The following FOXJ3 variants were observed in gnomAD, a reference collection of about 807,000 sequenced individuals.
FOXJ3 encodes forkhead box protein J3.
In FOXJ3, 22 loss-of-function variants were observed where a neutral mutation model predicts 76.1. That is an observed-to-expected ratio of 0.29 (90% CI 0.21 to 0.41). The LOEUF (loss-of-function observed/expected upper bound fraction) is 0.41. FOXJ3 is among the 10% of genes least tolerant of loss of function. The pLI is 1.00. For missense variants in FOXJ3, 613 were observed against 762.1 expected, an observed-to-expected ratio of 0.80 and a Z score of 2.30; for synonymous variants, 269 against 261.2, an observed-to-expected ratio of 1.03 and a Z score of -0.29.
intron 1 of FOXJ3, among the ~76,000 whole-genome samples, chr1:42,334,366 G>A (rs982839578): frequency 7.2e-5 from 11 of 151,928 alleles, no homozygotes; most frequent in African/African-American, 2.4e-5. Context: ...AATCACAGAG[G>A]AAAAACCATC....
At chr1:42,195,975 G>C (rs1208278661) in intron 7 of FOXJ3, among the ~76,000 whole-genome samples, 2 of 152,192 alleles carry the variant, frequency 1.3e-5, no homozygotes, top group Non-Finnish European at 2.9e-5. Context: ...GTAGGAGATG[G>C]CCATGGGGCA....
chr1:42,193,337 A>C (rs1283220364), intron 8 of FOXJ3, among the ~76,000 whole-genome samples: 1 of 152,066 alleles, frequency 6.6e-6, no homozygotes, highest in Non-Finnish European at 1.5e-5. Flanking sequence ...AGAGATGAGA[A>C]GTAAACTCAG....
At chr1:42,189,550 G>A in intron 9 of FOXJ3, 146 bp from the exon 10 acceptor site, 2 of 588,714 alleles carry the variant, frequency 3.4e-6, no homozygotes, top group Non-Finnish European at 6.1e-6. Context: ...ATCACGTGTT[G>A]GGCAATCTGC....
rs2124196290 is a variant in FOXJ3 at position 42,191,409 on chromosome 1, G to C, written c.1245C>G (p.Pro415=). ...QQHSQLQSPH[P]QHPSPHQHIQ... ...TGTGTTGATGTGGAGAGGGATGCTG[G>C]GGGTGAGGGGACTGGAGCTGGCTGT... Residue 415 remains proline (P), a synonymous_variant, in exon 9 of 13, where the codon CCC becomes CCG. Transcript: ENST00000361346. 3.1e-6 allele frequency: 5 copies of C among 1,609,856 alleles called. No individual in the cohort carries two copies. The African/African-American group carries it at 4.0e-5, about 13-fold the overall frequency.
intron 4 of FOXJ3, among the ~76,000 whole-genome samples, chr1:42,229,507 T>C (rs1472119706): frequency 6.6e-6 from 1 of 152,140 alleles, no homozygotes; most frequent in Non-Finnish European, 1.5e-5. Context: ...GGGTACAAGG[T>C]AGGTGTGTAC....
chr1:42,237,425 T>TATATATATATAC (rs1230334965), intron 4 of FOXJ3, among the ~76,000 whole-genome samples: 6 of 137,484 alleles, frequency 4.4e-5, no homozygotes, highest in Non-Finnish European at 9.4e-5. Context: ...TATATATATA[T>TATATATATATAC]ATACATACAT....
chr1:42,189,200 C>T lies in FOXJ3; in HGVS notation c.1453+103G>A, dbSNP rs1371189388. ...AATTTTACCAACTGCAAAAGAAATG[C>T]TATATAAGATGATGTTTATTTCTAC... On this transcript the variant is annotated intron_variant, in intron 10 of 12. Transcript: ENST00000361346. The T allele has an allele frequency of 6.3e-6, 5 of 795,880 alleles. No homozygotes were observed. In the East Asian group the frequency reaches 7.9e-5, roughly 13 times the overall value. 49.3% of individuals were successfully genotyped at this position (795,880 alleles called of 1,614,324 possible).
chr1:42,323,799 C>T (rs1655571565), intron 1 of FOXJ3: 1 of 507,494 alleles, frequency 2.0e-6, no homozygotes, highest in Admixed American at 6.4e-5. Flanking sequence ...AGAAGGCAGA[C>T]TAGGTCTCTA....
At chr1:42,217,477 C>T (rs1434360425) in intron 5 of FOXJ3, among the ~76,000 whole-genome samples, 1 of 151,836 alleles carries the variant, frequency 6.6e-6, no homozygotes, top group Non-Finnish European at 1.5e-5. Context: ...TGCAGTGAGC[C>T]GAGATCGTGC....
rs183722999 is a variant in FOXJ3, at chr1:42,234,747, G to A, written c.445-6781C>T. 1.5e-3 allele frequency among the ~76,000 whole-genome samples: 223 copies of A among 152,248 alleles called. 1 individual carries two copies. The highest frequency in any genetic ancestry group is 2.4e-3 in the Non-Finnish European group (161 of 68,016). On this transcript the variant is annotated intron_variant, in intron 4 of 12. Coordinates refer to ENST00000361346, the MANE Select transcript of FOXJ3 (RefSeq NM_014947.5). ...AAGCAGCAAATGTTGCTGCCTGACCGTTCCTCTGGAAGTTTTGTCTCAGAG... is the reference window on the plus strand; with the variant it reads ...AAGCAGCAAATGTTGCTGCCTGACCATTCCTCTGGAAGTTTTGTCTCAGAG...
At chr1:42,262,301 T>C (rs904259435) in intron 4 of FOXJ3, among the ~76,000 whole-genome samples, 1 of 152,250 alleles carries the variant, frequency 6.6e-6, no homozygotes, top group Admixed American at 6.5e-5. Flanking sequence ...CTGGCGAATA[T>C]GCCTGGGTTC....
chr1:42,297,061 T>G (rs1025243372), intron 2 of FOXJ3, among the ~76,000 whole-genome samples: 1 of 152,282 alleles, frequency 6.6e-6, no homozygotes, highest in Middle Eastern at 3.4e-3. Context: ...GGTGTGGGTG[T>G]GTGTGTGTGT....
At chr1:42,302,459 C>G (rs1344398289) in intron 2 of FOXJ3, among the ~76,000 whole-genome samples, 2 of 152,232 alleles carry the variant, frequency 1.3e-5, no homozygotes, top group African/African-American at 4.8e-5. Flanking sequence ...CAGGCAGGCC[C>G]ACCTACAGGT....
At chr1:42,257,656 T>C (rs148290060) in intron 4 of FOXJ3, among the ~76,000 whole-genome samples, 453 of 151,632 alleles carry the variant, frequency 3.0e-3, no homozygotes, top group Non-Finnish European at 4.6e-3. Context: ...GGAGAATCAT[T>C]TGAGCCTGGG....
chr1:42,275,116 T>C (rs1036490784), intron 3 of FOXJ3, among the ~76,000 whole-genome samples: 5 of 152,198 alleles, frequency 3.3e-5, no homozygotes, highest in African/African-American at 1.2e-4. Flanking sequence ...TGCTAAGGTA[T>C]GGAAGAGAAA....
At chr1:42,334,051 G>T in intron 1 of FOXJ3, 1 of 474,288 alleles carries the variant, frequency 2.1e-6, no homozygotes, top group Non-Finnish European at 2.8e-6. Flanking sequence ...GGACAACACA[G>T]ACGTGGAATG....
chr1:42,299,226 T>C (rs1351655541), intron 2 of FOXJ3, among the ~76,000 whole-genome samples: 1 of 152,228 alleles, frequency 6.6e-6, no homozygotes. Flanking sequence ...TGTTCTCCAC[T>C]ATTATTGTAT....
chr1:42,215,475 A>G (rs1360249024), intron 5 of FOXJ3, among the ~76,000 whole-genome samples: 1 of 152,210 alleles, frequency 6.6e-6, no homozygotes, highest in East Asian at 1.9e-4. Context: ...AAGCTGTGGG[A>G]CAATCTCAAA....
At chr1:42,198,749 A>T (rs1244495610) in intron 7 of FOXJ3, among the ~76,000 whole-genome samples, 1 of 152,200 alleles carries the variant, frequency 6.6e-6, no homozygotes, top group Admixed American at 6.5e-5. Context: ...AACCATGTTG[A>T]CACACACATC....
Sources: allele counts gnomAD v4.1 joint callset (sites outside exome capture counted in the v4.1 genomes callset), GRCh38; gene constraint gnomAD v4.1.1; transcripts MANE v1.5; gene names NCBI Gene and HGNC (gene_info 2026-07-23, HGNC 2026-07-21).